Variants in SH3RF2 observed in about 807,000 individuals in gnomAD.
The protein encoded by SH3RF2 is E3 ubiquitin-protein ligase SH3RF2.
A neutral mutation model predicts 59.0 loss-of-function variants in SH3RF2; 43 were observed. That is an observed-to-expected ratio of 0.73 (90% CI 0.57 to 0.94). The LOEUF (loss-of-function observed/expected upper bound fraction) is 0.94. Among genes scored for constraint, SH3RF2 ranks in the 40% least tolerant of loss-of-function variants. The pLI is 0.00. For missense variants in SH3RF2, 930 were observed against 940.1 expected (o/e 0.99, Z 0.14); for synonymous variants, 391 against 391.5 (o/e 1.00, Z 0.01).
downstream of SH3RF2, among the ~76,000 whole-genome samples, chr5:146,064,836 G>GA (rs1380372707): frequency 2.9e-4 from 4 of 13,974 alleles, no homozygotes; most frequent in Non-Finnish European, 0.012. Context: ...AAGAAAGAAA[G>GA]AAAGAAAGAA....
At chr5:146,000,496 T>C (rs1191626682) in intron 3 of SH3RF2, among the ~76,000 whole-genome samples, 169 bp downstream of exon 3, 1 of 152,210 alleles carries the variant, frequency 6.6e-6, no homozygotes, top group African/African-American at 2.4e-5. Context: ...ATTACGTATG[T>C]ATATATGTAG....
At chr5:145,958,214 C>T (rs1758492137) in intron 2 of SH3RF2, among the ~76,000 whole-genome samples, 1 of 152,184 alleles carries the variant, frequency 6.6e-6, no homozygotes, top group African/African-American at 2.4e-5. Context: ...GCCTCAGTTT[C>T]CTCCTCTGTA....
At chr5:146,065,071 T>C (rs1198768917), downstream of SH3RF2, among the ~76,000 whole-genome samples, 1 of 152,174 alleles carries the variant, frequency 6.6e-6, no homozygotes, top group Non-Finnish European at 1.5e-5. Flanking sequence ...CATAAAATAC[T>C]GCCATTGTGT....
chr5:145,963,390 C>G (rs1758712484), intron 2 of SH3RF2, among the ~76,000 whole-genome samples: 1 of 152,072 alleles, frequency 6.6e-6, no homozygotes, highest in Admixed American at 6.5e-5. Context: ...ATCTCTTGTG[C>G]CCAGGGTTCA....
At chr5:145,942,218 G>T (rs1021028033) in intron 2 of SH3RF2, among the ~76,000 whole-genome samples, 1 of 152,138 alleles carries the variant, frequency 6.6e-6, no homozygotes, top group Admixed American at 6.5e-5. Flanking sequence ...TACTTCCTCC[G>T]CATCATCAAT....
downstream of SH3RF2, among the ~76,000 whole-genome samples, chr5:146,064,747 G>A (rs1233014080): frequency 3.0e-4 from 2 of 6,628 alleles, no homozygotes; most frequent in African/African-American, 4.9e-4. Context: ...AGGAAGGAAG[G>A]AAGGAAGGAA....
At chr5:146,074,911 T>C (rs1763312524) in intron 9 of SH3RF2, among the ~76,000 whole-genome samples, 2 of 152,228 alleles carry the variant, frequency 1.3e-5, no homozygotes, top group Non-Finnish European at 2.9e-5. Flanking sequence ...TGTGTGACTT[T>C]AGGTAAGTCA....
intron 5 of SH3RF2, among the ~76,000 whole-genome samples, chr5:146,017,510 A>G (rs1761149454): frequency 6.6e-6 from 1 of 151,684 alleles, no homozygotes; most frequent in African/African-American, 2.4e-5. Flanking sequence ...GCTCCTCAAT[A>G]TGCCTTCTTT....
At chr5:146,005,981 T>C (rs1393482379) in intron 4 of SH3RF2, among the ~76,000 whole-genome samples, 2 of 152,130 alleles carry the variant, frequency 1.3e-5, no homozygotes, top group African/African-American at 4.8e-5. Context: ...CCTAAACATA[T>C]GTTTAATTAT....
chr5:145,962,753 T>A (rs1758677395), intron 2 of SH3RF2, among the ~76,000 whole-genome samples: 1 of 152,110 alleles, frequency 6.6e-6, no homozygotes, highest in South Asian at 2.1e-4. Context: ...GTGAAGGAGC[T>A]GTCTGAGTCA....
intron 2 of SH3RF2, chr5:145,998,086 T>A (rs929307390): frequency 6.0e-5 from 34 of 569,686 alleles, no homozygotes; most frequent in Non-Finnish European, 9.8e-5. Flanking sequence ...AAAAAAATCA[T>A]GTAATGGGTA....
chr5:145,953,115 CTCT>C (rs1327209048), intron 2 of SH3RF2, among the ~76,000 whole-genome samples: 15 of 145,794 alleles, frequency 1.0e-4, no homozygotes, highest in African/African-American at 3.8e-4. Flanking sequence ...CTCTCTCTCT[CTCT>C]CTCTGTCACA....
In SH3RF2 at chr5:146,058,744, G is replaced by A. The variant is rs565866867; in HGVS notation, c.1556-1122G>A. ...TGGGTGTCTCCTCCACTTCCCCACA[G>A]AATGCAATGAACTCCTGATTCCCCA... On this transcript the variant is annotated intron_variant, in intron 8 of 9. Transcript: ENST00000359120. Among the ~76,000 whole-genome samples, 42 of 152,030 alleles carry A rather than the reference G, an allele frequency of 2.8e-4. No homozygotes were observed. In the South Asian group the frequency reaches 6.9e-3, roughly 25 times the overall value.
intron 5 of SH3RF2, among the ~76,000 whole-genome samples, chr5:146,044,313 G>A (rs1762232615): frequency 6.6e-6 from 1 of 151,962 alleles, no homozygotes; most frequent in Non-Finnish European, 1.5e-5. Flanking sequence ...ACCACCCCCA[G>A]CTAATTTTTG....
intron 2 of SH3RF2, among the ~76,000 whole-genome samples, chr5:145,986,840 G>A (rs1333447892): frequency 2.6e-5 from 4 of 152,180 alleles, no homozygotes; most frequent in Non-Finnish European, 5.9e-5. Flanking sequence ...CCCTGAAAAG[G>A]CACTACTGAC....
intron 8 of SH3RF2, 32 bp downstream of exon 8, chr5:146,056,245 G>T: frequency 6.2e-7 from 1 of 1,613,712 alleles, no homozygotes. Context: ...CGTGCCTAGA[G>T]CTAAGTGATG....
chr5:146,027,539 G>C (rs1162975113), intron 5 of SH3RF2, among the ~76,000 whole-genome samples: 1 of 152,216 alleles, frequency 6.6e-6, no homozygotes, highest in Non-Finnish European at 1.5e-5. Flanking sequence ...CTCCAAGCTA[G>C]CAGGGAAGAC....
rs751617770 is a variant in SH3RF2, at chr5:146,000,169, CA to C, written c.491del (p.Gln164ArgfsTer49). ...LRRQLDENWY[Q>X]GEINGISGNF... ...GAGACAGCTTGATGAGAATTGGTACCAGGGGGAAATCAATGGCATCAGCGGG... is the reference window on the plus strand; with the variant it reads ...GAGACAGCTTGATGAGAATTGGTACCGGGGGAAATCAATGGCATCAGCGGG... On this transcript the variant is annotated frameshift_variant, in exon 3 of 10. Coordinates refer to ENST00000359120, the MANE Select transcript of SH3RF2 (RefSeq NM_152550.4). LOFTEE classifies it high-confidence loss of function. 169 of 1,613,618 alleles carry C rather than the reference CA, an allele frequency of 1.0e-4. No homozygotes were observed. The highest frequency in any genetic ancestry group is 1.3e-4 in the Non-Finnish European group (150 of 1,179,878).
intron 2 of SH3RF2, among the ~76,000 whole-genome samples, chr5:145,960,205 A>G (rs1054082534): frequency 1.1e-4 from 17 of 152,186 alleles, no homozygotes; most frequent in African/African-American, 3.4e-4. Context: ...GGAATGTGCC[A>G]CTATGCCCAG....
Sources: gnomAD v4.1 joint callset for allele counts (sites outside exome capture counted in the v4.1 genomes callset) on GRCh38, gnomAD v4.1.1 for gene constraint, MANE v1.5 for transcripts, NCBI Gene and HGNC (gene_info 2026-07-23, HGNC 2026-07-21) for gene names.